Variants in SLC22A15 observed in about 807,000 individuals in gnomAD.
SLC22A15 encodes flipt 1.
SLC22A15 carries 45 observed loss-of-function variants against 62.7 expected under a neutral mutation model. The observed-to-expected ratio is 0.72, with a 90% CI of 0.56 to 0.92. The LOEUF is 0.92. SLC22A15 is among the 40% of genes least tolerant of loss of function. The pLI, the probability that SLC22A15 is intolerant of heterozygous loss-of-function variation, is 0.00. For synonymous variants in SLC22A15, 264 were observed against 267.0 expected (o/e 0.99, Z 0.11); for missense variants, 622 against 665.6 (o/e 0.93, Z 0.72).
At chr1:116,062,483 A>G (rs554391411) in intron 8 of SLC22A15, among the ~76,000 whole-genome samples, 1 of 152,344 alleles carries the variant, frequency 6.6e-6, no homozygotes, top group African/African-American at 2.4e-5. Flanking sequence ...TTATGACAGT[A>G]CAGAAGTTTT....
At chr1:116,049,129 TAGAC>T (rs1156695270) in intron 8 of SLC22A15, among the ~76,000 whole-genome samples, 1 of 152,088 alleles carries the variant, frequency 6.6e-6, no homozygotes, top group Non-Finnish European at 1.5e-5. Context: ...GGAAATGAGA[TAGAC>T]AGCAACATAA....
rs1312983867 is a variant in SLC22A15, at chr1:116,069,022, CTT to C, written c.*1916_*1917del. The C allele has an allele frequency of 6.6e-6, 1 of 152,158 alleles. No individual in the cohort carries two copies. Among genetic ancestry groups the C allele is most frequent in the Non-Finnish European group, 1.5e-5 (1 of 68,042 alleles). The allele number at this position is 152,158 out of a possible 1,614,324, so 9.4% of individuals were successfully genotyped here. On this transcript the variant is annotated 3_prime_UTR_variant, in exon 12 of 12. Coordinates refer to ENST00000369503, the MANE Select transcript of SLC22A15 (RefSeq NM_018420.3). ...CATCGAAAGAAAACCAGTGTTATGA[CTT>C]TGTTCCATTTGAAGACTAATTGGGA...
chr1:115,990,680 C>T (rs181980327), intron 1 of SLC22A15, among the ~76,000 whole-genome samples: 7 of 152,316 alleles, frequency 4.6e-5, no homozygotes, highest in East Asian at 1.9e-4. Context: ...AGAGGCCCAC[C>T]ATTGATGGAC....
chr1:115,981,949 A>G (rs1032130928), intron 1 of SLC22A15, among the ~76,000 whole-genome samples: 1 of 152,210 alleles, frequency 6.6e-6, no homozygotes. Context: ...TTATTAGGCA[A>G]TTGTTATTAG....
chr1:116,047,381 C>T (rs911565214), intron 8 of SLC22A15, among the ~76,000 whole-genome samples: 1 of 152,140 alleles, frequency 6.6e-6, no homozygotes, highest in Non-Finnish European at 1.5e-5. Flanking sequence ...GAACCAAGAT[C>T]GTGCCACTGC....
chr1:116,033,583 G>GTGTGTGTATGTGTA (rs1553223951), intron 6 of SLC22A15, among the ~76,000 whole-genome samples: 1 of 145,636 alleles, frequency 6.9e-6, no homozygotes, highest in Non-Finnish European at 1.5e-5. Flanking sequence ...GTGTGTGTGT[G>GTGTGTGTATGTGTA]TGTGTATGTG....
chr1:116,023,304 CA>C (rs1230694404), intron 4 of SLC22A15, among the ~76,000 whole-genome samples: 2 of 151,954 alleles, frequency 1.3e-5, no homozygotes, highest in East Asian at 3.8e-4. Flanking sequence ...AAGTGAAAAA[CA>C]AAAAATACTG....
At chr1:116,059,827 A>ACATTT (rs1658332108) in intron 8 of SLC22A15, among the ~76,000 whole-genome samples, 1 of 152,202 alleles carries the variant, frequency 6.6e-6, no homozygotes, top group Admixed American at 6.5e-5. Context: ...TCATACTAAG[A>ACATTT]CATTTTTTGC....
chr1:116,046,141 T>C (rs1256196092), intron 8 of SLC22A15, among the ~76,000 whole-genome samples: 1 of 152,202 alleles, frequency 6.6e-6, no homozygotes, highest in Non-Finnish European at 1.5e-5. Flanking sequence ...TAAAACTGTG[T>C]TGTACAACTA....
At chr1:116,026,745 ATTTTTTTT>A in intron 4 of SLC22A15, 140 bp from the exon 5 acceptor site, 8 of 831,808 alleles carry the variant, frequency 9.6e-6, no homozygotes, top group Admixed American at 5.1e-5. Context: ...CTTAGTGTAG[ATTTTTTTT>A]TCTTTTCTGG....
intron 8 of SLC22A15, among the ~76,000 whole-genome samples, chr1:116,060,166 A>G (rs534900118): frequency 6.6e-6 from 1 of 152,344 alleles, no homozygotes; most frequent in Admixed American, 6.5e-5. Flanking sequence ...GCAGCCCCAC[A>G]GGCAGGAGTC....
At chr1:116,047,320 G>A (rs1263820938) in intron 8 of SLC22A15, among the ~76,000 whole-genome samples, 3 of 152,120 alleles carry the variant, frequency 2.0e-5, no homozygotes, top group South Asian at 2.1e-4. Context: ...CCAGCTACTC[G>A]GGAGGCTGAG....
At chr1:116,017,547 C>T (rs1656603363) in intron 2 of SLC22A15, 1 of 152,062 alleles carries the variant, frequency 6.6e-6, no homozygotes, top group Non-Finnish European at 1.5e-5. Flanking sequence ...ATTCCTGAGC[C>T]TTTTGGTGGG....
Position 116,066,549 on chromosome 1 carries a change from T to A in SLC22A15, c.1395T>A (p.Ile465=). Residue 465 remains isoleucine, a synonymous_variant, in exon 11 of 12, where the codon ATT becomes ATA. Coordinates refer to ENST00000369503, the MANE Select transcript of SLC22A15 (RefSeq NM_018420.3). ...LKYVQWSLPF[I]VFGATGLTSG... ...ATGTGCAATGGTCTTTACCATTCAT[T>A]GTCTTCGGAGCCACGGGTCTGACCT... 6.2e-7 allele frequency: 1 copy of A among 1,606,218 alleles called. No individual in the cohort carries two copies. The highest frequency in any genetic ancestry group is 1.1e-5 in the South Asian group (1 of 89,428).
chr1:116,037,427 C>G (rs754797224), intron 8 of SLC22A15, 39 bp downstream of exon 8: 1 of 1,397,502 alleles, frequency 7.2e-7, no homozygotes, highest in South Asian at 1.2e-5. Flanking sequence ...TTGAACAGTA[C>G]TTTCATTACA....
intron 1 of SLC22A15, 97 bp from the exon 2 acceptor site, chr1:115,991,934 A>G (rs753262427): frequency 1.0e-6 from 1 of 998,024 alleles, no homozygotes; most frequent in African/African-American, 1.6e-5. Flanking sequence ...ATACAAAAGC[A>G]AGACACTGAT....
intron 2 of SLC22A15, among the ~76,000 whole-genome samples, chr1:116,000,625 C>CTTTTTTTTTTTT (rs56303802): frequency 2.3e-5 from 2 of 88,214 alleles, no homozygotes; most frequent in Non-Finnish European, 4.3e-5. Context: ...CTTTTTTTTC[C>CTTTTTTTTTTTT]TTTTTTTTTT....
At chr1:116,047,406 G>A (rs113495741) in intron 8 of SLC22A15, among the ~76,000 whole-genome samples, 7,529 of 152,228 alleles carry the variant, frequency 0.049, 256 homozygotes, top group African/African-American at 0.089. Context: ...CAGCCTGGGC[G>A]ACAGAGCGAG....
intron 2 of SLC22A15, among the ~76,000 whole-genome samples, chr1:115,994,262 A>T (rs1315971328): frequency 1.3e-5 from 2 of 152,208 alleles, no homozygotes; most frequent in Non-Finnish European, 2.9e-5. Flanking sequence ...TTTAATGATT[A>T]TGATATGCCA....
Sources: gnomAD v4.1 joint callset for allele counts (sites outside exome capture counted in the v4.1 genomes callset) on GRCh38, gnomAD v4.1.1 for gene constraint, MANE v1.5 for transcripts, NCBI Gene and HGNC (gene_info 2026-07-23, HGNC 2026-07-21) for gene names.